The following CACNA1H variants were observed in gnomAD, a reference collection of about 807,000 sequenced individuals.
CACNA1H encodes the protein voltage-dependent T-type calcium channel subunit alpha-1H.
CACNA1H carries 149 observed loss-of-function variants against 192.5 expected under a neutral mutation model. That is an observed-to-expected ratio of 0.77 (90% CI 0.68 to 0.89). The LOEUF is 0.89. CACNA1H is among the 40% of genes least tolerant of loss of function. The pLI is 0.00. For missense variants in CACNA1H, 4,257 were observed against 3,423.5 expected, an observed-to-expected ratio of 1.24 and a Z score of -6.08; for synonymous variants, 2,202 against 1,475.2, an observed-to-expected ratio of 1.49 and a Z score of -11.29.
intron 17 of CACNA1H, among the ~76,000 whole-genome samples, chr16:1,209,720 G>A (rs1969197637): frequency 6.6e-6 from 1 of 152,172 alleles, no homozygotes; most frequent in Admixed American, 6.5e-5. Context: ...GGCAGGGCCA[G>A]GCATCCGCTA....
Position 1,201,669 on chromosome 16 carries a change from T to C in CACNA1H, c.1219T>C (p.Ser407Pro). The C allele has an allele frequency of 6.3e-7, 1 of 1,595,890 alleles. No individual in the cohort carries two copies. Among genetic ancestry groups the C allele is most frequent in the Non-Finnish European group, 8.6e-7 (1 of 1,169,254 alleles). ...IYFILLIIVG[S>P]FFMINLCLVV... ...CCGCCCGCCCCCGTCACAGGTGGGC[T>C]CCTTCTTCATGATCAACCTGTGCCT... The change falls in exon 9 of 35, where the codon TCC becomes CCC. Residue 407 changes from serine to proline, a missense_variant. By Grantham distance (74) the Ser-to-Pro change is moderately conservative. Transcript: ENST00000348261.
rs1241282169 is a variant in CACNA1H, at chr16:1,198,673, T to G, written c.702T>G (p.Leu234=). Residue 234 remains leucine (L), a synonymous_variant, in exon 6 of 35, where the codon CTT becomes CTG. Transcript: ENST00000348261. Reference sequence around the variant, plus strand: ...CGCTGCCCATGCTCGGGAACGTCCTTCTGCTGTGCTTCTTCGTCTTCTTCA... The same window carrying G: ...CGCTGCCCATGCTCGGGAACGTCCTGCTGCTGTGCTTCTTCGTCTTCTTCA... ...LDTLPMLGNV[L]LLCFFVFFIF... is the part of the protein sequence containing the mutation. 1.2e-6 allele frequency: 2 copies of G among 1,613,390 alleles called. No individual in the cohort carries two copies. Among genetic ancestry groups the G allele is most frequent in the Non-Finnish European group, 1.7e-6 (2 of 1,179,648 alleles).
At position 1,217,903 on chromosome 16, in the gene CACNA1H, G is replaced by T. The variant is rs374872701; in HGVS notation, c.5324-16G>T. On this transcript the variant is annotated splice_polypyrimidine_tract_variant and intron_variant, in intron 31 of 34. Coordinates refer to ENST00000348261, the MANE Select transcript of CACNA1H (RefSeq NM_021098.3). ...GAGCGGGCTCGGCTGACCGGGCGGG[G>T]TCTCCCTCCCCGCAGAGTGCAGTGA... 1.0e-5 allele frequency: 16 copies of T among 1,589,462 alleles called. No homozygotes were observed. The highest frequency in any genetic ancestry group is 1.4e-5 in the Non-Finnish European group (16 of 1,167,628).
rs779622633 is a variant in CACNA1H, at chr16:1,209,281, C to G, written c.3613C>G (p.Arg1205Gly). 6.4e-7 allele frequency: 1 copy of G among 1,561,410 alleles called. No individual in the cohort carries two copies. Among genetic ancestry groups the G allele is most frequent in the South Asian group, 1.2e-5 (1 of 86,440 alleles). The change falls in exon 17 of 35, where the codon CGG becomes GGG. Residue 1205 changes from arginine (R) to glycine (G), a missense_variant. Transcript: ENST00000348261. Reference protein sequence around the residue: ...RAESLDPRPLRPAALPPTKCR... With the variant: ...RAESLDPRPLGPAALPPTKCR... ...CGAGTCCCTGGACCCACGGCCCCTG[C>G]GGCCGGCCGCCCTCCCGCCTACCAA...
At position 1,202,661 on chromosome 16, in the gene CACNA1H, C is replaced by T. The variant is rs115475379; in HGVS notation, c.2002+209C>T. Among the ~76,000 whole-genome samples the T allele has an allele frequency of 3.7e-3, 559 of 152,252 alleles. 3 individuals are homozygous for T. Among genetic ancestry groups the T allele is most frequent in the African/African-American group, 0.013 (530 of 41,552 alleles). Reference sequence around the variant, plus strand: ...CAGCGCCAAAGCAAGCTCCCGGTGGCCCACAGCTCATGGCAGGAGTGGTAG... The same window carrying T: ...CAGCGCCAAAGCAAGCTCCCGGTGGTCCACAGCTCATGGCAGGAGTGGTAG... On this transcript the variant is annotated intron_variant, in intron 9 of 34. Transcript: ENST00000348261.
rs1278881648 is a variant in CACNA1H, at chr16:1,158,463, C to G, written c.299+4427C>G. Among the ~76,000 whole-genome samples the G allele has an allele frequency of 2.0e-5, 3 of 152,310 alleles. No individual in the cohort carries two copies. In the South Asian group the frequency reaches 6.2e-4, roughly 32 times the overall value. On this transcript the variant is annotated intron_variant, in intron 2 of 34. Coordinates refer to ENST00000348261, the MANE Select transcript of CACNA1H (RefSeq NM_021098.3). The stretch of plus-strand genomic sequence containing the variant: ...CCGGGGATGATGGCAGGGTAGGGGT[C>G]TGCCGAGCGCCTGTCGTAGTCATTC...
intron 14 of CACNA1H, among the ~76,000 whole-genome samples, 168 bp downstream of exon 14, chr16:1,207,598 G>T (rs1968892946): frequency 6.6e-6 from 1 of 152,108 alleles, no homozygotes; most frequent in African/African-American, 2.4e-5. Flanking sequence ...GTGGGCAGGG[G>T]TCGGTCGGGA....
At chr16:1,206,855 C>T in intron 12 of CACNA1H, 146 bp from the exon 13 acceptor site, 1 of 589,008 alleles carries the variant, frequency 1.7e-6, no homozygotes, top group Non-Finnish European at 3.1e-6. Context: ...GCTCGGGCGC[C>T]CAGGGAGGGT....
At chr16:1,163,477 C>G (rs1345721959) in intron 2 of CACNA1H, among the ~76,000 whole-genome samples, 1 of 152,244 alleles carries the variant, frequency 6.6e-6, no homozygotes, top group Non-Finnish European at 1.5e-5. Flanking sequence ...CCCGGCCTGC[C>G]TCAGAGGGGA....
Position 1,220,178 on chromosome 16 carries a change from G to A in CACNA1H, c.6246G>A (p.Arg2082=). ...HTFGQRCVSS[R]PAAPGGEEAE... is the part of the protein sequence containing the mutation. ...TCGGACAGCGCTGCGTCTCCAGCCG[G>A]CCGGCGGCCCCAGGCGGAGAGGAGG... is the stretch of plus-strand genomic sequence containing the variant. Residue 2082 remains arginine (R), a synonymous_variant, in exon 35 of 35, where the codon CGG becomes CGA. Transcript: ENST00000348261. The A allele has an allele frequency of 1.3e-6, 2 of 1,521,132 alleles. No homozygotes were observed. Among genetic ancestry groups the A allele is most frequent in the African/African-American group, 1.4e-5 (1 of 69,464 alleles). The allele number at this position is 1,521,132 out of a possible 1,614,324, so 94.2% of individuals were successfully genotyped here. A position where few individuals can be genotyped will look rare whatever the true frequency, so the allele number is the denominator to read the frequency against.
intron 4 of CACNA1H, 78 bp from the exon 5 acceptor site, chr16:1,195,844 GCCCA>G: frequency 1.8e-6 from 2 of 1,128,458 alleles, no homozygotes; most frequent in Non-Finnish European, 2.7e-6. Context: ...TTCTATGCCT[GCCCA>G]CCCTACTTTG....
intron 2 of CACNA1H, among the ~76,000 whole-genome samples, chr16:1,193,642 T>C (rs1402972165): frequency 1.3e-5 from 2 of 152,220 alleles, no homozygotes; most frequent in Non-Finnish European, 2.9e-5. Flanking sequence ...GCAGCAGTGT[T>C]ACAGCAGAGG....
At chr16:1,209,607 C>CT in intron 17 of CACNA1H, 195 bp downstream of exon 17, 1 of 686,654 alleles carries the variant, frequency 1.5e-6, no homozygotes, top group East Asian at 2.8e-5. Context: ...AGAGTCCCCC[C>CT]TCTGCCGTCT....
In CACNA1H at chr16:1,200,399, C is replaced by T. The variant is rs997846742; in HGVS notation, c.947C>T (p.Thr316Ile). Reference sequence around the variant, plus strand: ...CGCCGCGAGCTGCGCATGCCCTGCACCCTGGGCTGGGAGGCCTACACGCAG... The same window carrying T: ...CGCCGCGAGCTGCGCATGCCCTGCATCCTGGGCTGGGAGGCCTACACGCAG... ...PGRRELRMPC[T>I]LGWEAYTQPQ... is the part of the protein sequence containing the mutation. Residue 316 changes from threonine (T) to isoleucine (I), a missense_variant, in exon 7 of 35, where the codon ACC (threonine) becomes ATC (isoleucine). Physicochemically the swap from Thr to Ile is moderately conservative, Grantham distance 89 (BLOSUM62 -1). Transcript: ENST00000348261. 7.5e-6 allele frequency: 12 copies of T among 1,607,780 alleles called. No homozygotes were observed. Among genetic ancestry groups the T allele is most frequent in the Middle Eastern group, 1.6e-4 (1 of 6,080 alleles).
Position 1,203,992 on chromosome 16 carries a change from C to G in CACNA1H, c.2003-18C>G, listed in dbSNP as rs747207529. 1.5e-4 allele frequency: 223 copies of G among 1,517,418 alleles called. No homozygotes were observed. Among genetic ancestry groups the G allele is most frequent in the Non-Finnish European group, 1.9e-4 (213 of 1,131,162 alleles). The allele number at this position is 1,517,418 out of a possible 1,614,324, so 94.0% of individuals were successfully genotyped here. ...CACCACTGAGTGGGCCTGCCCCTGT[C>G]TGTGCCCTCTCCCGCAGGACTGGGC... On this transcript the variant is annotated intron_variant, in intron 9 of 34. Coordinates refer to ENST00000348261, the MANE Select transcript of CACNA1H (RefSeq NM_021098.3).
chr16:1,166,336 A>G (rs1027329279), intron 2 of CACNA1H, among the ~76,000 whole-genome samples: 1 of 152,298 alleles, frequency 6.6e-6, no homozygotes, highest in East Asian at 1.9e-4. Flanking sequence ...CCGTGGCTCC[A>G]GGCCAAGTAA....
At chr16:1,206,749 C>T (rs966748543) in intron 12 of CACNA1H, 24 of 500,484 alleles carry the variant, frequency 4.8e-5, no homozygotes, top group Non-Finnish European at 7.2e-5. Context: ...TCCAGAGTGG[C>T]TTCCCTCTGT....
At chr16:1,195,599 C>T (rs771440171) in intron 4 of CACNA1H, 34 bp downstream of exon 4, 19 of 1,574,130 alleles carry the variant, frequency 1.2e-5, no homozygotes, top group Middle Eastern at 4.3e-4. Context: ...ACAGCGCTGG[C>T]GAAGGGGCCC....
chr16:1,210,714 C>G (rs1207400454), intron 20 of CACNA1H, 63 bp downstream of exon 20: 2 of 1,578,016 alleles, frequency 1.3e-6, no homozygotes, highest in East Asian at 2.3e-5. Context: ...ATCCCCACCC[C>G]CACCCAGCAG....
Sources: gnomAD v4.1 joint callset for allele counts (sites outside exome capture counted in the v4.1 genomes callset) on GRCh38, gnomAD v4.1.1 for gene constraint, MANE v1.5 for transcripts, NCBI Gene and HGNC (gene_info 2026-07-23, HGNC 2026-07-21) for gene names.